Variants in ERCC6L2 observed in about 807,000 individuals in gnomAD.
ERCC6L2 encodes the protein ERCC excision repair 6 like 2.
A neutral mutation model predicts 132.0 loss-of-function variants in ERCC6L2; 77 were observed. The observed-to-expected ratio is 0.58, with a 90% CI of 0.49 to 0.71. ERCC6L2 has a LOEUF of 0.71. Among genes scored for constraint, ERCC6L2 ranks in the 30% least tolerant of loss-of-function variants. The pLI is 0.00. For synonymous variants in ERCC6L2, 583 were observed against 632.4 expected, an observed-to-expected ratio of 0.92 and a Z score of 1.17; for missense variants, 1,542 against 1,837.6, an observed-to-expected ratio of 0.84 and a Z score of 2.94.
intron 17 of ERCC6L2, among the ~76,000 whole-genome samples, chr9:95,983,363 G>A (rs533755248): frequency 1.3e-5 from 2 of 152,288 alleles, no homozygotes; most frequent in South Asian, 4.1e-4. Context: ...TCTTCTCCCA[G>A]CTGGTCACTG....
chr9:96,033,251 G>GTT (rs10638463), intron 19 of ERCC6L2, among the ~76,000 whole-genome samples: 9,178 of 147,674 alleles, frequency 0.062, 870 homozygotes, highest in African/African-American at 0.2. Context: ...ATTCTGGGTT[G>GTT]TTTTTTTTTT....
At chr9:96,006,076 C>G (rs138033970) in intron 18 of ERCC6L2, among the ~76,000 whole-genome samples, 20 of 152,232 alleles carry the variant, frequency 1.3e-4, no homozygotes, top group African/African-American at 4.1e-4. Context: ...TGGGAAGGTT[C>G]AGTAGGCAAT....
At chr9:95,956,160 T>C (rs1831590415) in intron 13 of ERCC6L2, 147 bp downstream of exon 13, 3 of 466,730 alleles carry the variant, frequency 6.4e-6, no homozygotes, top group Non-Finnish European at 1.1e-5. Flanking sequence ...GAATACACTT[T>C]TATGAAACAG....
At chr9:95,980,174 A>C (rs1199943306) in intron 17 of ERCC6L2, among the ~76,000 whole-genome samples, 1 of 152,186 alleles carries the variant, frequency 6.6e-6, no homozygotes, top group East Asian at 1.9e-4. Context: ...AATATTTTTG[A>C]GGTGGACAAC....
chr9:95,972,532 A>T lies in ERCC6L2; in HGVS notation c.2781A>T (p.Gly927=). The change falls in exon 16 of 19, where the codon GGA becomes GGT. Residue 927 remains glycine, a synonymous_variant. Coordinates refer to ENST00000653738, the MANE Select transcript of ERCC6L2 (RefSeq NM_020207.7). ...TAAGGTTTAAGCCACCCTTGGAAGG[A>T]TCTGAGGATTCTGAAACAGAACACA... ...NSIRFKPPLE[G]SEDSETEHTV... 1 of 1,290,024 alleles carries T rather than the reference A, an allele frequency of 7.8e-7. No homozygotes were observed. Among genetic ancestry groups the T allele is most frequent in the Non-Finnish European group, 1.0e-6 (1 of 988,898 alleles). 79.9% of individuals were successfully genotyped at this position (1,290,024 alleles called of 1,614,324 possible).
intron 11 of ERCC6L2, among the ~76,000 whole-genome samples, chr9:95,938,448 T>C (rs1446677849): frequency 6.6e-6 from 1 of 152,174 alleles, no homozygotes; most frequent in Non-Finnish European, 1.5e-5. Flanking sequence ...ATTGAAATCC[T>C]CAACTATAAT....
intron 3 of ERCC6L2, among the ~76,000 whole-genome samples, chr9:95,904,648 C>T (rs868837229): frequency 2.6e-5 from 4 of 152,064 alleles, no homozygotes; most frequent in Admixed American, 6.6e-5. Context: ...TTCTAAAGGC[C>T]TTGGCACACA....
intron 17 of ERCC6L2, among the ~76,000 whole-genome samples, chr9:95,990,059 C>T (rs1049662779): frequency 3.1e-4 from 47 of 152,122 alleles, no homozygotes; most frequent in African/African-American, 9.7e-4. Flanking sequence ...TCATGAAGGG[C>T]CTTTCATTTA....
At chr9:95,948,791 G>GAAAAAAAAAAAAAAAAAAA (rs55712485) in intron 12 of ERCC6L2, among the ~76,000 whole-genome samples, 18 of 104,044 alleles carry the variant, frequency 1.7e-4, no homozygotes, top group South Asian at 3.0e-4. Flanking sequence ...CAAGACATTA[G>GAAAAAAAAAAAAAAAAAAA]AAAAAAAAAA....
intron 17 of ERCC6L2, among the ~76,000 whole-genome samples, chr9:95,983,252 A>G (rs1041851725): frequency 6.6e-6 from 1 of 152,192 alleles, no homozygotes; most frequent in African/African-American, 2.4e-5. Context: ...GAAAAATGCT[A>G]TAGAGAAAAA....
At chr9:95,953,332 T>C (rs1831430601) in intron 12 of ERCC6L2, among the ~76,000 whole-genome samples, 1 of 152,098 alleles carries the variant, frequency 6.6e-6, no homozygotes, top group Non-Finnish European at 1.5e-5. Context: ...ATCCCAGCAC[T>C]TTGGGAGGCC....
intron 17 of ERCC6L2, among the ~76,000 whole-genome samples, chr9:95,990,463 T>C (rs577258127): frequency 7.9e-5 from 12 of 152,292 alleles, no homozygotes; most frequent in African/African-American, 2.9e-4. Context: ...ACATTTACGA[T>C]TCAAAAGCCA....
At chr9:95,999,733 G>A (rs767227387) in intron 17 of ERCC6L2, among the ~76,000 whole-genome samples, 52 of 151,704 alleles carry the variant, frequency 3.4e-4, no homozygotes, top group Non-Finnish European at 6.5e-4. Flanking sequence ...TCATCTCATA[G>A]TAACGAATGA....
intron 6 of ERCC6L2, among the ~76,000 whole-genome samples, chr9:95,920,284 A>G (rs1829800274): frequency 1.3e-5 from 2 of 152,184 alleles, no homozygotes; most frequent in East Asian, 1.9e-4. Context: ...CCTCTTCCTT[A>G]TTCTCCTCAG....
At chr9:95,908,950 T>G (rs1173135964) in intron 4 of ERCC6L2, among the ~76,000 whole-genome samples, 1 of 152,108 alleles carries the variant, frequency 6.6e-6, no homozygotes, top group Non-Finnish European at 1.5e-5. Context: ...TCAAATTTTA[T>G]GAGCACACAA....
Position 95,923,914 on chromosome 9 carries a change from T to A in ERCC6L2, c.1533+535T>A, listed in dbSNP as rs552622288. ...CAGGAAAATTGACCTGTAGCTGTGCTGCTCTTGGTAATGTGTTACCGAGGG... is the reference window on the plus strand; with the variant it reads ...CAGGAAAATTGACCTGTAGCTGTGCAGCTCTTGGTAATGTGTTACCGAGGG... On this transcript the variant is annotated intron_variant, in intron 9 of 18. Transcript: ENST00000653738. 2.6e-5 allele frequency among the ~76,000 whole-genome samples: 4 copies of A among 151,774 alleles called. No homozygotes were observed. In the South Asian group the frequency reaches 8.3e-4, roughly 32 times the overall value.
intron 6 of ERCC6L2, 117 bp from the exon 7 acceptor site, chr9:95,921,058 A>G (rs1001707851): frequency 1.1e-6 from 1 of 951,212 alleles, no homozygotes; most frequent in Non-Finnish European, 1.5e-6. Context: ...TACAGGCGTG[A>G]GCCTCTGCGC....
intron 2 of ERCC6L2, among the ~76,000 whole-genome samples, chr9:95,882,266 C>T (rs12554109): frequency 0.031 from 4,656 of 152,294 alleles, 91 homozygotes; most frequent in Non-Finnish European, 0.046. Context: ...TCACATTCTT[C>T]TCATTAGAAG....
chr9:95,967,896 C>T (rs1308794655), intron 14 of ERCC6L2: 3 of 152,140 alleles, frequency 2.0e-5, no homozygotes, highest in African/African-American at 7.2e-5. Context: ...TACTACTTGA[C>T]ATGCCTATAT....
Sources: gnomAD v4.1 joint callset for allele counts (sites outside exome capture counted in the v4.1 genomes callset) on GRCh38, gnomAD v4.1.1 for gene constraint, MANE v1.5 for transcripts, NCBI Gene and HGNC (gene_info 2026-07-23, HGNC 2026-07-21) for gene names.